Variants in PDE1C observed in about 807,000 individuals in gnomAD.
PDE1C encodes dual specificity calcium/calmodulin-dependent 3',5'-cyclic nucleotide phosphodiesterase 1C.
A neutral mutation model predicts 93.1 loss-of-function variants in PDE1C; 62 were observed. The observed-to-expected ratio is 0.67, with a 90% CI of 0.54 to 0.82. PDE1C has a LOEUF of 0.82. Ranked by LOEUF, PDE1C falls within the 40% of genes least tolerant of loss-of-function variation. The pLI is 0.00. For synonymous variants in PDE1C, 325 were observed against 310.1 expected, an observed-to-expected ratio of 1.05 and a Z score of -0.50; for missense variants, 742 against 884.6, an observed-to-expected ratio of 0.84 and a Z score of 2.04.
chr7:32,220,920 A>G (rs1018720131), intron 1 of PDE1C, among the ~76,000 whole-genome samples: 1 of 152,202 alleles, frequency 6.6e-6, no homozygotes, highest in Non-Finnish European at 1.5e-5. Context: ...TCATGCCTGA[A>G]CTGTCTCTAG....
chr7:31,780,927 A>G (rs1300881516), intron 16 of PDE1C, among the ~76,000 whole-genome samples: 2 of 152,202 alleles, frequency 1.3e-5, no homozygotes, highest in Non-Finnish European at 2.9e-5. Flanking sequence ...GCATGTGGCC[A>G]TTTAAGGAGT....
chr7:31,855,525 A>C, intron 7 of PDE1C, among the ~76,000 whole-genome samples: 1 of 152,050 alleles, frequency 6.6e-6, no homozygotes, highest in East Asian at 1.9e-4. Context: ...CAGAGAACAA[A>C]GGTTGCAGGA....
chr7:32,029,654 G>A (rs1480878159), intron 2 of PDE1C, among the ~76,000 whole-genome samples: 1 of 152,022 alleles, frequency 6.6e-6, no homozygotes, highest in Non-Finnish European at 1.5e-5. Context: ...ATTACCTCAA[G>A]GCATCGAGTT....
rs1280462560 is a variant in PDE1C, at chr7:31,751,303, C to T, written c.*2081G>A. The T allele has an allele frequency of 1.3e-5, 2 of 152,120 alleles. No homozygotes were observed. Among genetic ancestry groups the T allele is most frequent in the East Asian group, 3.9e-4 (2 of 5,170 alleles). 9.4% of individuals were successfully genotyped at this position (152,120 alleles called of 1,614,324 possible). A position where few individuals can be genotyped will look rare whatever the true frequency, so the allele number is the denominator to read the frequency against. ...AAATCTCAACATCTGTACATTTGCT[C>T]CATTAAAATATTAGCAAAGGTTGAA... On this transcript the variant is annotated 3_prime_UTR_variant, in exon 18 of 18. Transcript: ENST00000396191.
At chr7:32,080,590 G>A (rs1440871911) in intron 3 of PDE1C, among the ~76,000 whole-genome samples, 1 of 152,156 alleles carries the variant, frequency 6.6e-6, no homozygotes, top group Non-Finnish European at 1.5e-5. Flanking sequence ...CTATCTGGCG[G>A]AGAATTACTG....
the PDE1C span, among the ~76,000 whole-genome samples, chr7:31,675,232 T>C: frequency 6.6e-6 from 1 of 152,192 alleles, no homozygotes. Flanking sequence ...ATCATAGCTA[T>C]TGAATTCAAG....
chr7:32,146,839 A>G (rs1238406377), intron 3 of PDE1C, among the ~76,000 whole-genome samples: 1 of 152,216 alleles, frequency 6.6e-6, no homozygotes, highest in Non-Finnish European at 1.5e-5. Flanking sequence ...AAAGTTTACT[A>G]AAACAGGGAT....
the PDE1C span, among the ~76,000 whole-genome samples, chr7:31,700,996 G>A: frequency 6.6e-6 from 1 of 152,318 alleles, no homozygotes; most frequent in Admixed American, 6.5e-5. Context: ...GATTAATGTT[G>A]TTTTCATGCC....
At chr7:31,634,677 A>G in the PDE1C span, among the ~76,000 whole-genome samples, 1 of 152,184 alleles carries the variant, frequency 6.6e-6, no homozygotes, top group Non-Finnish European at 1.5e-5. Context: ...GGGAACCAGC[A>G]GTCTAAGGAG....
intron 3 of PDE1C, among the ~76,000 whole-genome samples, chr7:32,167,742 C>A (rs746112347): frequency 6.6e-6 from 1 of 152,064 alleles, no homozygotes; most frequent in Non-Finnish European, 1.5e-5. Context: ...TTTCATGGCC[C>A]TAAACTCCAA....
intron 1 of PDE1C, among the ~76,000 whole-genome samples, chr7:32,259,442 G>A (rs1326450656): frequency 6.6e-6 from 1 of 152,136 alleles, no homozygotes; most frequent in Non-Finnish European, 1.5e-5. Context: ...GCTCTAGTAA[G>A]AAGGTGGGGC....
the PDE1C span, among the ~76,000 whole-genome samples, chr7:31,619,923 C>T: frequency 3.9e-5 from 6 of 152,268 alleles, no homozygotes; most frequent in East Asian, 5.8e-4. Context: ...GCTTTTCCGA[C>T]GGGCTTAAAA....
At chr7:31,738,902 C>A in the PDE1C span, among the ~76,000 whole-genome samples, 1 of 152,086 alleles carries the variant, frequency 6.6e-6, no homozygotes, top group East Asian at 1.9e-4. Flanking sequence ...CACAGGAAAG[C>A]CTGTGCCATG....
intron 3 of PDE1C, among the ~76,000 whole-genome samples, chr7:32,113,206 A>T (rs1798771764): frequency 7.3e-6 from 1 of 136,694 alleles, no homozygotes; most frequent in Admixed American, 7.6e-5. Flanking sequence ...GGGAAGAGTT[A>T]TATTTATAAA....
intron 1 of PDE1C, among the ~76,000 whole-genome samples, chr7:32,245,921 G>A (rs1808896408): frequency 6.7e-6 from 1 of 150,068 alleles, no homozygotes; most frequent in Non-Finnish European, 1.5e-5. Flanking sequence ...CCTTCTAATA[G>A]TAACACCTTG....
intron 16 of PDE1C, among the ~76,000 whole-genome samples, chr7:31,781,245 T>C (rs1424029212): frequency 1.3e-5 from 2 of 152,184 alleles, no homozygotes; most frequent in Non-Finnish European, 2.9e-5. Context: ...CAAAATGGGG[T>C]TAGCCTGGCC....
chr7:31,791,502 A>C (rs1352494421), intron 16 of PDE1C, among the ~76,000 whole-genome samples: 2 of 152,108 alleles, frequency 1.3e-5, no homozygotes, highest in African/African-American at 2.4e-5. Flanking sequence ...GCAATACATG[A>C]CTTTGTCCTT....
At chr7:32,206,258 G>C (rs986101220) in intron 2 of PDE1C, among the ~76,000 whole-genome samples, 4 of 152,112 alleles carry the variant, frequency 2.6e-5, no homozygotes, top group African/African-American at 9.7e-5. Flanking sequence ...ACGGCTCACT[G>C]ATTAGGATGC....
At chr7:32,178,747 C>T (rs2128810491) in intron 2 of PDE1C, among the ~76,000 whole-genome samples, 1 of 152,184 alleles carries the variant, frequency 6.6e-6, no homozygotes, top group African/African-American at 2.4e-5. Flanking sequence ...TTCCTCTTAC[C>T]TCCCCTCTGT....
Sources: gnomAD v4.1 joint callset for allele counts (sites outside exome capture counted in the v4.1 genomes callset) on GRCh38, gnomAD v4.1.1 for gene constraint, MANE v1.5 for transcripts, NCBI Gene and HGNC (gene_info 2026-07-23, HGNC 2026-07-21) for gene names.